IL1RAPL2: variants seen among roughly 807,000 people sequenced by gnomAD.
The protein encoded by IL1RAPL2 is X-linked interleukin-1 receptor accessory protein-like 2.
A neutral mutation model predicts 44.1 loss-of-function variants in IL1RAPL2; 3 were observed. That is an observed-to-expected ratio of 0.07 (90% CI 0.03 to 0.18). The LOEUF is 0.18. Among genes scored for constraint, IL1RAPL2 ranks in the 10% least tolerant of loss-of-function variants. The pLI is 1.00. For missense variants in IL1RAPL2, 391 were observed against 496.4 expected, an observed-to-expected ratio of 0.79 and a Z score of 2.02; for synonymous variants, 181 against 178.8, an observed-to-expected ratio of 1.01 and a Z score of -0.10.
chrX:104,717,619 T>A (rs1406964530), intron 2 of IL1RAPL2, among the ~76,000 whole-genome samples: 2 of 109,925 alleles, frequency 1.8e-5, no homozygotes, highest in East Asian at 2.9e-4. Flanking sequence ...TTCTTTTTTT[T>A]AATTATTATA....
chrX:105,315,578 G>GTGTATATATATATATATATATATA (rs1433365173), intron 5 of IL1RAPL2, among the ~76,000 whole-genome samples: 9 of 21,822 alleles, frequency 4.1e-4, no homozygotes, highest in African/African-American at 6.6e-4. Flanking sequence ...ACTAATGGAT[G>GTGTATATATATATATATATATATA]TATATATATA....
chrX:104,680,615 T>G (rs1930874892), intron 2 of IL1RAPL2, among the ~76,000 whole-genome samples: 1 of 110,984 alleles, frequency 9.0e-6, no homozygotes, highest in African/African-American at 3.3e-5. Context: ...CCCAAAGACA[T>G]GAAGTTATTA....
Position 105,711,225 on chromosome X carries a change from T to C in IL1RAPL2, c.773-6142T>C, listed in dbSNP as rs990487147. ...ACAGAATACAACAGAGTGGACAATA[T>C]AGAAAAAGATTTATTTGGCTCACAG... is the stretch of plus-strand genomic sequence containing the variant. On this transcript the variant is annotated intron_variant, in intron 6 of 10. Transcript: ENST00000372582. Among the ~76,000 whole-genome samples the C allele has an allele frequency of 3.3e-4, 36 of 109,629 alleles. 1 individual carries two copies. The highest frequency in any genetic ancestry group is 4.9e-4 in the Admixed American group (5 of 10,182).
chrX:105,040,766 C>CT (rs1313814018), intron 2 of IL1RAPL2, among the ~76,000 whole-genome samples: 1 of 109,295 alleles, frequency 9.1e-6, no homozygotes, highest in Non-Finnish European at 1.9e-5. Context: ...TTTGATTCTT[C>CT]TTTTTTTTCT....
intron 5 of IL1RAPL2, among the ~76,000 whole-genome samples, chrX:105,306,448 T>C (rs2034737931): frequency 8.9e-6 from 1 of 112,004 alleles, no homozygotes; most frequent in African/African-American, 3.2e-5. Context: ...TTATAGATAG[T>C]TTTTATCTCA....
intron 2 of IL1RAPL2, among the ~76,000 whole-genome samples, chrX:104,997,998 C>A (rs996525674): frequency 9.0e-6 from 1 of 110,840 alleles, no homozygotes; most frequent in Non-Finnish European, 1.9e-5. Context: ...GCTATAAACA[C>A]CATCTGTGGG....
At chrX:105,406,720 T>G (rs1026731356) in intron 5 of IL1RAPL2, 2 of 1,193,883 alleles carry the variant, frequency 1.7e-6, no homozygotes, top group Admixed American at 2.2e-5. Flanking sequence ...CAAGATGCTC[T>G]GTTCTAATGC....
Position 104,864,253 on chromosome X carries a change from A to G in IL1RAPL2, c.82+205258A>G, listed in dbSNP as rs774135295. Among the ~76,000 whole-genome samples the G allele has an allele frequency of 2.7e-5, 3 of 112,273 alleles. No homozygotes were observed. The East Asian group carries it at 8.5e-4, about 32-fold the overall frequency. On this transcript the variant is annotated intron_variant, in intron 2 of 10. Transcript: ENST00000372582. Reference sequence around the variant, plus strand: ...TCAACAAACTTCAGAGGCCAAGCAAAAAGTAAAAGAGCCCCTCAGGCTAAA... The same window carrying G: ...TCAACAAACTTCAGAGGCCAAGCAAGAAGTAAAAGAGCCCCTCAGGCTAAA...
chrX:104,895,994 G>A (rs1368629891), intron 2 of IL1RAPL2, among the ~76,000 whole-genome samples: 1 of 112,093 alleles, frequency 8.9e-6, no homozygotes, highest in East Asian at 2.8e-4. Context: ...CCTCCTCATT[G>A]CTGAGAAAGG....
intron 2 of IL1RAPL2, among the ~76,000 whole-genome samples, chrX:104,742,059 T>G (rs1011500109): frequency 9.0e-6 from 1 of 110,822 alleles, no homozygotes; most frequent in African/African-American, 3.3e-5. Context: ...TCAGGGTACA[T>G]GAGGAGAAAA....
chrX:104,971,949 T>G (rs1336608473), intron 2 of IL1RAPL2, among the ~76,000 whole-genome samples: 2 of 111,307 alleles, frequency 1.8e-5, no homozygotes, highest in Non-Finnish European at 3.8e-5. Context: ...TCTGGGAAGT[T>G]GGGTGTGGTT....
At chrX:105,268,884 G>C (rs2034425687) in intron 5 of IL1RAPL2, among the ~76,000 whole-genome samples, 2 of 106,439 alleles carry the variant, frequency 1.9e-5, no homozygotes, top group African/African-American at 6.8e-5. Flanking sequence ...TTGTTTGACT[G>C]TGGTAATCAG....
intron 2 of IL1RAPL2, among the ~76,000 whole-genome samples, chrX:105,163,834 T>G (rs1405636517): frequency 9.0e-6 from 1 of 110,936 alleles, no homozygotes; most frequent in African/African-American, 3.3e-5. Flanking sequence ...CTTTCCTATG[T>G]AAACTTGTCT....
At chrX:104,892,857 C>A (rs1160996174) in intron 2 of IL1RAPL2, among the ~76,000 whole-genome samples, 1 of 111,753 alleles carries the variant, frequency 8.9e-6, no homozygotes. Flanking sequence ...TTTGCTCTTG[C>A]TTCTCTAGTT....
At chrX:104,765,289 G>A (rs1266952757) in intron 2 of IL1RAPL2, among the ~76,000 whole-genome samples, 1 of 111,238 alleles carries the variant, frequency 9.0e-6, no homozygotes, top group African/African-American at 3.3e-5. Context: ...GTTCAATCTT[G>A]GTAGGTTGTA....
intron 2 of IL1RAPL2, among the ~76,000 whole-genome samples, chrX:104,810,763 A>T (rs1932970269): frequency 8.9e-6 from 1 of 112,021 alleles, no homozygotes; most frequent in Non-Finnish European, 1.9e-5. Flanking sequence ...TTGGAGAGTT[A>T]ACAGAAAAAT....
At chrX:104,809,964 C>T (rs868021687) in intron 2 of IL1RAPL2, among the ~76,000 whole-genome samples, 2 of 111,041 alleles carry the variant, frequency 1.8e-5, no homozygotes, top group Non-Finnish European at 3.8e-5. Flanking sequence ...CACATGCACA[C>T]ATATGTTTAT....
intron 2 of IL1RAPL2, among the ~76,000 whole-genome samples, chrX:105,073,458 G>T (rs1435093857): frequency 9.1e-6 from 1 of 110,194 alleles, no homozygotes; most frequent in Non-Finnish European, 1.9e-5. Flanking sequence ...TGGACATTTG[G>T]GTTGGTTCCA....
chrX:105,468,316 A>G (rs747874277), intron 5 of IL1RAPL2, among the ~76,000 whole-genome samples: 1 of 111,891 alleles, frequency 8.9e-6, no homozygotes, highest in Non-Finnish European at 1.9e-5. Flanking sequence ...ACTAAAACTC[A>G]GACTTATGAT....
Sources: allele counts gnomAD v4.1 joint callset (sites outside exome capture counted in the v4.1 genomes callset), GRCh38; gene constraint gnomAD v4.1.1; transcripts MANE v1.5; gene names NCBI Gene and HGNC (gene_info 2026-07-23, HGNC 2026-07-21).